Variants in KCNMA1 observed in about 807,000 individuals in gnomAD.
The protein encoded by KCNMA1 is Calcium-activated potassium channel subunit alpha-1.
A neutral mutation model predicts 140.0 loss-of-function variants in KCNMA1; 29 were observed. The observed-to-expected ratio is 0.21, with a 90% confidence interval of 0.15 to 0.28. The LOEUF (loss-of-function observed/expected upper bound fraction) is 0.28. KCNMA1 is among the 10% of genes least tolerant of loss of function. The pLI is 1.00. For synonymous variants in KCNMA1, 612 were observed against 611.9 expected, an observed-to-expected ratio of 1.00 and a Z score of 0.00; for missense variants, 880 against 1,602.2, an observed-to-expected ratio of 0.55 and a Z score of 7.70.
chr10:77,615,212 G>C (rs764813576), intron 1 of KCNMA1, among the ~76,000 whole-genome samples: 2 of 152,138 alleles, frequency 1.3e-5, no homozygotes, highest in Non-Finnish European at 2.9e-5. Context: ...TTTCTTCTTT[G>C]TTCAGAGCCC....
chr10:77,401,516 A>G (rs2096265681), intron 2 of KCNMA1, among the ~76,000 whole-genome samples: 1 of 152,018 alleles, frequency 6.6e-6, no homozygotes, highest in Admixed American at 6.6e-5. Flanking sequence ...ACTTCCCCAG[A>G]CTTTGGGGTC....
chr10:77,284,263 T>C (rs1414423392), intron 2 of KCNMA1, among the ~76,000 whole-genome samples: 1 of 152,134 alleles, frequency 6.6e-6, no homozygotes, highest in East Asian at 1.9e-4. Context: ...GCTGCCACAA[T>C]AGGCAACAAG....
In KCNMA1 at chr10:77,251,242, A is replaced by G. The variant is rs1462592155; in HGVS notation, c.555T>C (p.Phe185=). 6.2e-7 allele frequency: 1 copy of G among 1,612,152 alleles called. No homozygotes were observed. Among genetic ancestry groups the G allele is most frequent in the Admixed American group, 1.7e-5 (1 of 59,990 alleles). Residue 185 remains phenylalanine, a synonymous_variant, in exon 3 of 28, where the codon TTT becomes TTC. Transcript: ENST00000286628. ...TTACAAGTGCACCGATGCTGAGAGC[A>G]AAGACTAAGACAACCTGTAAAAGAA... The part of the protein sequence containing the change: ...LTGRVLVVLV[F]ALSIGALVIY...
intron 2 of KCNMA1, among the ~76,000 whole-genome samples, chr10:77,293,653 C>A (rs1430923949): frequency 2.0e-5 from 3 of 152,230 alleles, no homozygotes; most frequent in African/African-American, 7.2e-5. Context: ...CTCCAACCTT[C>A]CCCTTGGCCT....
At chr10:77,304,291 C>T (rs1278251156) in intron 2 of KCNMA1, 1 of 152,224 alleles carries the variant, frequency 6.6e-6, no homozygotes, top group Non-Finnish European at 1.5e-5. Flanking sequence ...ATCTTGCCAT[C>T]TGTTATTGCT....
intron 23 of KCNMA1, among the ~76,000 whole-genome samples, chr10:76,922,788 C>T (rs574386492): frequency 6.6e-6 from 1 of 152,160 alleles, no homozygotes; most frequent in Non-Finnish European, 1.5e-5. Context: ...TTTACTTAAG[C>T]CTTTTTGCAT....
At chr10:77,370,502 C>T (rs2094620592) in intron 2 of KCNMA1, among the ~76,000 whole-genome samples, 1 of 152,162 alleles carries the variant, frequency 6.6e-6, no homozygotes, top group Non-Finnish European at 1.5e-5. Flanking sequence ...GAGATTGATG[C>T]CTCTCCAATC....
At chr10:77,160,169 T>C (rs2098539798) in intron 5 of KCNMA1, among the ~76,000 whole-genome samples, 1 of 151,946 alleles carries the variant, frequency 6.6e-6, no homozygotes, top group Admixed American at 6.6e-5. Flanking sequence ...TGCCCCAGAG[T>C]AAATCCACTC....
chr10:77,328,162 TAAAC>T (rs2084941401), intron 2 of KCNMA1, among the ~76,000 whole-genome samples: 1 of 152,202 alleles, frequency 6.6e-6, no homozygotes, highest in South Asian at 2.1e-4. Context: ...TGTTGGGAAT[TAAAC>T]AAAACAATAC....
In KCNMA1 at chr10:77,475,026, T is replaced by TGTGG. The variant is rs2098247229; in HGVS notation, c.379-71007_379-71004dup. 1.3e-5 allele frequency among the ~76,000 whole-genome samples: 2 copies of TGTGG among 151,762 alleles called. 1 individual carries two copies. The highest frequency in any genetic ancestry group is 6.3e-3 in the Middle Eastern group (2 of 316). ...CAACTGCAGAAGGAGCACACAGAGG[T>TGTGG]GTGGGTGATGTCAGGAGGCTGCTTG... On this transcript the variant is annotated intron_variant, in intron 1 of 27. Transcript: ENST00000286628.
chr10:76,949,588 T>C, intron 21 of KCNMA1: 1 of 589,298 alleles, frequency 1.7e-6, no homozygotes, highest in South Asian at 2.0e-5. Context: ...TCCAAATGTA[T>C]AGCCATACAC....
At chr10:77,436,366 A>G (rs920423222) in intron 1 of KCNMA1, among the ~76,000 whole-genome samples, 3 of 152,308 alleles carry the variant, frequency 2.0e-5, no homozygotes, top group East Asian at 1.9e-4. Flanking sequence ...AAGATTCTTC[A>G]CTCTCCAAAA....
At chr10:77,213,622 C>G (rs1230005963) in intron 3 of KCNMA1, among the ~76,000 whole-genome samples, 1 of 152,126 alleles carries the variant, frequency 6.6e-6, no homozygotes, top group Non-Finnish European at 1.5e-5. Context: ...TCCCAGCTCT[C>G]AGTCTGCCCT....
intron 19 of KCNMA1, chr10:76,973,893 C>T (rs2076780322): frequency 6.6e-6 from 1 of 152,192 alleles, no homozygotes; most frequent in African/African-American, 2.4e-5. Context: ...TTCCCTAATT[C>T]AGTCTAATGC....
At chr10:77,199,254 G>T (rs2041700591) in intron 3 of KCNMA1, among the ~76,000 whole-genome samples, 1 of 152,176 alleles carries the variant, frequency 6.6e-6, no homozygotes, top group African/African-American at 2.4e-5. Context: ...AAATGTCTCT[G>T]AGTTTTTTTC....
chr10:77,305,829 C>A lies in KCNMA1; in HGVS notation c.541-54573G>T, dbSNP rs901361989. Among the ~76,000 whole-genome samples, 13 of 152,160 alleles carry A rather than the reference C, an allele frequency of 8.5e-5. No individual in the cohort carries two copies. The East Asian group carries it at 9.6e-4, about 11-fold the overall frequency. ...CAAGAGTCCTGAGGCTCTGCGCAAACAAAATTAATAGCCTGCAAACTCTAA... is the reference window on the plus strand; with the variant it reads ...CAAGAGTCCTGAGGCTCTGCGCAAAAAAAATTAATAGCCTGCAAACTCTAA... On this transcript the variant is annotated intron_variant, in intron 2 of 27. Transcript: ENST00000286628.
At chr10:77,272,684 A>G (rs947546764) in intron 2 of KCNMA1, among the ~76,000 whole-genome samples, 1 of 152,042 alleles carries the variant, frequency 6.6e-6, no homozygotes, top group African/African-American at 2.4e-5. Flanking sequence ...TATGTTTCTC[A>G]TCCTAATTAA....
At chr10:77,340,375 G>A (rs1215165009) in intron 2 of KCNMA1, among the ~76,000 whole-genome samples, 1 of 152,076 alleles carries the variant, frequency 6.6e-6, no homozygotes, top group Non-Finnish European at 1.5e-5. Context: ...TATACCCAAA[G>A]GATTATAAAT....
intron 1 of KCNMA1, among the ~76,000 whole-genome samples, chr10:77,585,785 G>A (rs74932626): frequency 0.014 from 2,163 of 152,140 alleles, 23 homozygotes; most frequent in Non-Finnish European, 0.021. Context: ...CATCCATATA[G>A]GTATACTATA....
Sources: gnomAD v4.1 joint callset for allele counts (sites outside exome capture counted in the v4.1 genomes callset) on GRCh38, gnomAD v4.1.1 for gene constraint, MANE v1.5 for transcripts, NCBI Gene and HGNC (gene_info 2026-07-23, HGNC 2026-07-21) for gene names.